The following AFF3 variants were observed in gnomAD, a reference collection of about 807,000 sequenced individuals.
AFF3 encodes AF4/FMR2 family member 3.
In AFF3, 32 loss-of-function variants were observed where a neutral mutation model predicts 129.7. The observed-to-expected ratio is 0.25, with a 90% CI of 0.19 to 0.33. The LOEUF is 0.33. Among genes scored for constraint, AFF3 ranks in the 10% least tolerant of loss-of-function variants. The pLI is 1.00. For missense variants in AFF3, 1,373 were observed against 1,592.0 expected (o/e 0.86, Z 2.34); for synonymous variants, 644 against 635.4 (o/e 1.01, Z -0.20).
intron 4 of AFF3, among the ~76,000 whole-genome samples, chr2:100,049,961 C>T (rs1247120404): frequency 6.6e-6 from 1 of 152,156 alleles, no homozygotes; most frequent in Non-Finnish European, 1.5e-5. Context: ...CGCCTGTAAT[C>T]CCAGCACTTT....
chr2:100,098,367 T>G (rs1251054950), intron 4 of AFF3, among the ~76,000 whole-genome samples: 1 of 152,180 alleles, frequency 6.6e-6, no homozygotes, highest in Non-Finnish European at 1.5e-5. Context: ...CAAGGCTTTA[T>G]TCCCAAAAAT....
intron 7 of AFF3, among the ~76,000 whole-genome samples, chr2:99,838,899 G>A (rs1366360293): frequency 6.6e-6 from 1 of 152,124 alleles, no homozygotes; most frequent in Non-Finnish European, 1.5e-5. Flanking sequence ...TCCTTGTCCT[G>A]GGGTAGAGCA....
At chr2:99,656,093 A>C (rs1685724120) in intron 12 of AFF3, among the ~76,000 whole-genome samples, 1 of 152,188 alleles carries the variant, frequency 6.6e-6, no homozygotes, top group African/African-American at 2.4e-5. Flanking sequence ...GGGTGTGTGA[A>C]GTTAAAGTTG....
At chr2:99,768,474 G>A (rs1283124838) in intron 8 of AFF3, among the ~76,000 whole-genome samples, 1 of 152,034 alleles carries the variant, frequency 6.6e-6, no homozygotes, top group Non-Finnish European at 1.5e-5. Flanking sequence ...CTTCTTTTTT[G>A]CAGTTATTAT....
At chr2:99,797,439 T>C (rs766649116) in intron 8 of AFF3, among the ~76,000 whole-genome samples, 1 of 152,066 alleles carries the variant, frequency 6.6e-6, no homozygotes, top group Admixed American at 6.6e-5. Flanking sequence ...GCAGAATGAC[T>C]TCATGTGTGA....
intron 20 of AFF3, among the ~76,000 whole-genome samples, chr2:99,563,107 G>A (rs1380437713): frequency 6.6e-6 from 1 of 152,078 alleles, no homozygotes. Flanking sequence ...CCTTGCCAGC[G>A]CTCCAGGCCC....
At chr2:99,742,949 T>C (rs1315231891) in intron 10 of AFF3, among the ~76,000 whole-genome samples, 2 of 152,226 alleles carry the variant, frequency 1.3e-5, no homozygotes, top group South Asian at 2.1e-4. Flanking sequence ...TTAAATTCAA[T>C]GGTGAGACAC....
chr2:99,562,227 C>A (rs1410250621), intron 20 of AFF3, among the ~76,000 whole-genome samples: 1 of 152,172 alleles, frequency 6.6e-6, no homozygotes, highest in Non-Finnish European at 1.5e-5. Context: ...CAAGTTTCAG[C>A]CATTATTTCT....
intron 8 of AFF3, among the ~76,000 whole-genome samples, chr2:99,795,557 G>A (rs1345273402): frequency 6.6e-6 from 1 of 152,060 alleles, no homozygotes; most frequent in East Asian, 1.9e-4. Flanking sequence ...CCAAGAAAAA[G>A]GTGTGGGGAT....
intron 15 of AFF3, among the ~76,000 whole-genome samples, chr2:99,590,515 G>A (rs559402132): frequency 2.6e-5 from 4 of 152,356 alleles, no homozygotes; most frequent in South Asian, 4.1e-4. Flanking sequence ...CCCATGAAAA[G>A]CTGGACCTGC....
At chr2:100,049,232 T>A (rs1686086191) in intron 4 of AFF3, among the ~76,000 whole-genome samples, 1 of 152,186 alleles carries the variant, frequency 6.6e-6, no homozygotes, top group South Asian at 2.1e-4. Flanking sequence ...AAAGGGATAG[T>A]GTGACACCGT....
chr2:99,934,478 T>C (rs1185228704), intron 7 of AFF3, among the ~76,000 whole-genome samples: 2 of 152,154 alleles, frequency 1.3e-5, no homozygotes, highest in African/African-American at 4.8e-5. Flanking sequence ...GCTGCACACA[T>C]GTTCTTAAGC....
At chr2:99,639,862 ATT>A (rs996087300) in intron 13 of AFF3, among the ~76,000 whole-genome samples, 1 of 147,114 alleles carries the variant, frequency 6.8e-6, no homozygotes. Flanking sequence ...TAATTTTTGT[ATT>A]TTTTTTTTAG....
At chr2:99,986,781 G>A (rs1293097974) in intron 7 of AFF3, among the ~76,000 whole-genome samples, 2 of 152,204 alleles carry the variant, frequency 1.3e-5, no homozygotes. Flanking sequence ...GAATTAAAAT[G>A]ACATTTCAGT....
At chr2:100,095,308 C>G (rs1690194992) in intron 4 of AFF3, among the ~76,000 whole-genome samples, 1 of 152,118 alleles carries the variant, frequency 6.6e-6, no homozygotes, top group Admixed American at 6.5e-5. Flanking sequence ...CTGTTTTCCT[C>G]TCTCCTCCCC....
chr2:99,886,160 C>CTGG (rs1266469533), intron 7 of AFF3, among the ~76,000 whole-genome samples: 1 of 152,168 alleles, frequency 6.6e-6, no homozygotes, highest in African/African-American at 2.4e-5. Context: ...TCATACCTAA[C>CTGG]ACTGATCACA....
At chr2:99,935,216 T>G (rs1674413651) in intron 7 of AFF3, among the ~76,000 whole-genome samples, 1 of 152,184 alleles carries the variant, frequency 6.6e-6, no homozygotes, top group Non-Finnish European at 1.5e-5. Context: ...AACATGGTAT[T>G]CATGGCGGGG....
At chr2:99,736,534 T>G (rs1680272428) in intron 10 of AFF3, among the ~76,000 whole-genome samples, 2 of 152,156 alleles carry the variant, frequency 1.3e-5, no homozygotes, top group African/African-American at 4.8e-5. Context: ...AGAGCTAGAG[T>G]TTTATTTTTT....
chr2:99,873,544 A>T (rs1269986398), intron 7 of AFF3, among the ~76,000 whole-genome samples: 1 of 152,188 alleles, frequency 6.6e-6, no homozygotes, highest in Non-Finnish European at 1.5e-5. Flanking sequence ...CATCTGTAAA[A>T]TGGAGAGGAT....
Sources: gnomAD v4.1 joint callset for allele counts (sites outside exome capture counted in the v4.1 genomes callset) on GRCh38, gnomAD v4.1.1 for gene constraint, MANE v1.5 for transcripts, NCBI Gene and HGNC (gene_info 2026-07-23, HGNC 2026-07-21) for gene names.